EXOC2: variants seen among roughly 807,000 people sequenced by gnomAD.
EXOC2 encodes the protein exocyst complex component 2.
EXOC2 carries 70 observed loss-of-function variants against 131.8 expected under a neutral mutation model. The ratio of observed to expected loss-of-function variants is 0.53; its 90% CI spans 0.44 to 0.65. The LOEUF (loss-of-function observed/expected upper bound fraction) is 0.65, where lower values mean the gene tolerates loss of function less well. Among genes scored for constraint, EXOC2 ranks in the 30% least tolerant of loss-of-function variants. The pLI is 0.00. For synonymous variants in EXOC2, 411 were observed against 398.4 expected, an observed-to-expected ratio of 1.03 and a Z score of -0.38; for missense variants, 923 against 1,108.6, an observed-to-expected ratio of 0.83 and a Z score of 2.38.
intron 22 of EXOC2, among the ~76,000 whole-genome samples, chr6:547,701 C>T (rs758552279): frequency 2.0e-5 from 3 of 151,998 alleles, no homozygotes; most frequent in Non-Finnish European, 4.4e-5. Flanking sequence ...TCATTCTAAA[C>T]ACAACTGAAT....
chr6:623,970 C>T (rs1215068680), intron 4 of EXOC2, among the ~76,000 whole-genome samples: 1 of 152,184 alleles, frequency 6.6e-6, no homozygotes, highest in Non-Finnish European at 1.5e-5. Flanking sequence ...ACATGACTGA[C>T]TCAACCAACC....
intron 23 of EXOC2, chr6:525,372 A>T (rs1321414261): frequency 6.6e-6 from 1 of 152,220 alleles, no homozygotes; most frequent in Admixed American, 6.5e-5. Flanking sequence ...AATGTTGAAC[A>T]TTGTTCAATG....
chr6:625,518 C>CTTTTTTTTTTTTTTT (rs796295514), intron 4 of EXOC2, among the ~76,000 whole-genome samples: 3 of 108,060 alleles, frequency 2.8e-5, no homozygotes, highest in Non-Finnish European at 3.8e-5. Context: ...TGTTTCCGTT[C>CTTTTTTTTTTTTTTT]TTTTTTTTTT....
At chr6:499,402 T>C (rs1763909878) in intron 24 of EXOC2, among the ~76,000 whole-genome samples, 2 of 147,512 alleles carry the variant, frequency 1.4e-5, no homozygotes, top group Non-Finnish European at 3.0e-5. Context: ...AAAGAAAACA[T>C]ACAATTTCAG....
chr6:489,819 C>G (rs951348183), intron 26 of EXOC2, among the ~76,000 whole-genome samples: 1 of 152,134 alleles, frequency 6.6e-6, no homozygotes, highest in Non-Finnish European at 1.5e-5. Flanking sequence ...CTCAATCTAC[C>G]AGGAAATACG....
At chr6:597,144 T>C (rs1396615362) in intron 10 of EXOC2, among the ~76,000 whole-genome samples, 2 of 152,180 alleles carry the variant, frequency 1.3e-5, no homozygotes, top group Admixed American at 6.5e-5. Context: ...CTTCTCTTCA[T>C]ATCCTGTGAA....
intron 4 of EXOC2, among the ~76,000 whole-genome samples, chr6:627,216 G>T (rs2127696784): frequency 1.0e-5 from 1 of 98,486 alleles, no homozygotes; most frequent in African/African-American, 4.1e-5. Flanking sequence ...AATTCAGTAA[G>T]ATAAACACAG....
chr6:505,511 G>T (rs1010427737), intron 23 of EXOC2, among the ~76,000 whole-genome samples: 1 of 152,176 alleles, frequency 6.6e-6, no homozygotes, highest in Admixed American at 6.5e-5. Flanking sequence ...CATTTAAGTG[G>T]AATAACGTTT....
chr6:650,831 A>C (rs919423267), intron 1 of EXOC2, among the ~76,000 whole-genome samples: 1 of 152,254 alleles, frequency 6.6e-6, no homozygotes, highest in South Asian at 2.1e-4. Flanking sequence ...CTAGAGACAG[A>C]CAACTGGAGG....
chr6:596,643 A>C (rs954429168), intron 10 of EXOC2, among the ~76,000 whole-genome samples: 1 of 152,186 alleles, frequency 6.6e-6, no homozygotes, highest in Non-Finnish European at 1.5e-5. Context: ...CTGGGATCAC[A>C]GGTCTGGGCC....
chr6:650,950 C>G (rs1050048014), intron 1 of EXOC2, among the ~76,000 whole-genome samples: 1 of 151,284 alleles, frequency 6.6e-6, no homozygotes, highest in Non-Finnish European at 1.5e-5. Context: ...ATGCCTGAAA[C>G]AAACACGATA....
chr6:650,566 T>A (rs1262888947), intron 1 of EXOC2, among the ~76,000 whole-genome samples: 1 of 152,196 alleles, frequency 6.6e-6, no homozygotes, highest in Non-Finnish European at 1.5e-5. Context: ...ATGTTTAATA[T>A]TATAGGCAAC....
chr6:549,391 G>C, intron 21 of EXOC2, 100 bp from the exon 22 acceptor site: 1 of 796,434 alleles, frequency 1.3e-6, no homozygotes, highest in Admixed American at 2.2e-5. Flanking sequence ...GCTCTTTAAC[G>C]TCAATATCCA....
chr6:642,880 G>A (rs1356801618), intron 1 of EXOC2, among the ~76,000 whole-genome samples: 1 of 151,380 alleles, frequency 6.6e-6, no homozygotes, highest in Non-Finnish European at 1.5e-5. Flanking sequence ...TAAAGTACTG[G>A]AAGAAAAAAA....
At chr6:613,045 C>G (rs1760796736) in intron 6 of EXOC2, among the ~76,000 whole-genome samples, 1 of 152,152 alleles carries the variant, frequency 6.6e-6, no homozygotes, top group Non-Finnish European at 1.5e-5. Context: ...CTCCAGGAAC[C>G]TCACCACCAC....
chr6:551,253 A>T (rs1312236018), intron 21 of EXOC2, among the ~76,000 whole-genome samples: 1 of 152,202 alleles, frequency 6.6e-6, no homozygotes, highest in East Asian at 1.9e-4. Flanking sequence ...GCCTGAGGTC[A>T]CACAGGATGC....
chr6:499,512 C>T, intron 24 of EXOC2, 133 bp downstream of exon 24: 10 of 665,682 alleles, frequency 1.5e-5, no homozygotes, highest in Non-Finnish European at 2.6e-6. Flanking sequence ...AAGAGCTGAA[C>T]TGTATCTTAT....
intron 21 of EXOC2, among the ~76,000 whole-genome samples, chr6:551,740 C>T (rs750433864): frequency 1.3e-5 from 2 of 152,204 alleles, no homozygotes. Context: ...TGCCGCATTT[C>T]CATGCTCCAC....
At chr6:516,711 T>C (rs1277643793) in intron 23 of EXOC2, among the ~76,000 whole-genome samples, 1 of 152,230 alleles carries the variant, frequency 6.6e-6, no homozygotes, top group Non-Finnish European at 1.5e-5. Context: ...TCTGTCACTA[T>C]CTGTGTACCA....
Sources: gnomAD v4.1 joint callset for allele counts (sites outside exome capture counted in the v4.1 genomes callset) on GRCh38, gnomAD v4.1.1 for gene constraint, MANE v1.5 for transcripts, NCBI Gene and HGNC (gene_info 2026-07-23, HGNC 2026-07-21) for gene names.